Variants in ROBO2 observed in about 807,000 individuals in gnomAD.
The protein encoded by ROBO2 is roundabout homolog 2.
A neutral mutation model predicts 160.8 loss-of-function variants in ROBO2; 53 were observed. That is an observed-to-expected ratio of 0.33 (90% CI 0.26 to 0.41). The LOEUF (loss-of-function observed/expected upper bound fraction) is 0.41, where lower values mean the gene tolerates loss of function less well. ROBO2 is among the 10% of genes least tolerant of loss of function. ROBO2 has a pLI of 1.00. For missense variants in ROBO2, 1,577 were observed against 1,722.4 expected (o/e 0.92, Z 1.49); for synonymous variants, 664 against 611.7 (o/e 1.09, Z -1.26).
intron 2 of ROBO2, among the ~76,000 whole-genome samples, chr3:77,156,106 T>C (rs1294165308): frequency 6.6e-6 from 1 of 151,960 alleles, no homozygotes; most frequent in Non-Finnish European, 1.5e-5. Context: ...TTTCTTTGTC[T>C]TAAAATTTCT....
At chr3:76,818,988 A>G (rs527600367) in intron 2 of ROBO2, among the ~76,000 whole-genome samples, 18 of 152,010 alleles carry the variant, frequency 1.2e-4, no homozygotes, top group African/African-American at 4.1e-4. Flanking sequence ...CAAACTGTCT[A>G]TCTTAGATTT....
chr3:76,254,735 C>CAGAGAGAG (rs36108761), intron 2 of ROBO2, among the ~76,000 whole-genome samples: 2 of 148,526 alleles, frequency 1.3e-5, no homozygotes, highest in Non-Finnish European at 3.0e-5. Context: ...TACTCTCTCT[C>CAGAGAGAG]AGAGAGAGAG....
chr3:76,397,020 A>T (rs951257888), intron 2 of ROBO2, among the ~76,000 whole-genome samples: 2 of 152,192 alleles, frequency 1.3e-5, no homozygotes, highest in Non-Finnish European at 2.9e-5. Context: ...CGCCAAGTCA[A>T]TCCTAAGCCA....
chr3:77,600,573 G>A (rs1209536355), intron 19 of ROBO2, among the ~76,000 whole-genome samples: 2 of 152,142 alleles, frequency 1.3e-5, no homozygotes, highest in Non-Finnish European at 2.9e-5. Flanking sequence ...TAAAGCTTTG[G>A]AGAACTTTAA....
rs1043456108 is a variant in ROBO2, at chr3:77,429,847, T to C, written c.389-47567T>C. 3.3e-5 allele frequency among the ~76,000 whole-genome samples: 5 copies of C among 152,006 alleles called. No homozygotes were observed. In the East Asian group the frequency reaches 9.7e-4, roughly 30 times the overall value. On this transcript the variant is annotated intron_variant, in intron 2 of 25. Transcript: ENST00000461745. ...GTGGTTTGAAATGGCCCCACACAAATCACACCTTACGGTCTCTTAGCTGCG... is the reference window on the plus strand; with the variant it reads ...GTGGTTTGAAATGGCCCCACACAAACCACACCTTACGGTCTCTTAGCTGCG...
intron 2 of ROBO2, among the ~76,000 whole-genome samples, chr3:76,050,903 T>C (rs922215827): frequency 1.3e-5 from 2 of 152,188 alleles, no homozygotes; most frequent in Non-Finnish European, 2.9e-5. Context: ...AGATAGAAGA[T>C]TAAAGACAAC....
At chr3:76,108,388 T>C (rs142568433) in intron 2 of ROBO2, among the ~76,000 whole-genome samples, 41 of 152,200 alleles carry the variant, frequency 2.7e-4, no homozygotes, top group African/African-American at 9.6e-4. Flanking sequence ...ATATCATCAC[T>C]GTAACTCTTA....
intron 2 of ROBO2, among the ~76,000 whole-genome samples, chr3:76,024,015 CA>C (rs1186581272): frequency 6.6e-6 from 1 of 151,340 alleles, no homozygotes; most frequent in Non-Finnish European, 1.5e-5. Flanking sequence ...ATATATATTT[CA>C]TAGGTTTTAT....
At chr3:76,500,195 T>C (rs552770184) in intron 2 of ROBO2, among the ~76,000 whole-genome samples, 1 of 152,156 alleles carries the variant, frequency 6.6e-6, no homozygotes, top group South Asian at 2.1e-4. Context: ...CACAGCTCAC[T>C]GCGTCCTTGA....
chr3:76,149,814 G>A (rs79857927), intron 2 of ROBO2, among the ~76,000 whole-genome samples: 1 of 138,000 alleles, frequency 7.2e-6, no homozygotes, highest in Non-Finnish European at 1.5e-5. Context: ...TCTGTCTAAA[G>A]CACACATCTG....
At chr3:76,676,506 A>G (rs1032108289) in intron 2 of ROBO2, among the ~76,000 whole-genome samples, 1 of 152,148 alleles carries the variant, frequency 6.6e-6, no homozygotes, top group African/African-American at 2.4e-5. Flanking sequence ...AACAAAGTGT[A>G]TCTCGACAGG....
At chr3:76,572,622 G>A (rs2085025546) in intron 2 of ROBO2, among the ~76,000 whole-genome samples, 1 of 152,112 alleles carries the variant, frequency 6.6e-6, no homozygotes, top group Non-Finnish European at 1.5e-5. Context: ...ATGTCAAAAT[G>A]AATACGTCAA....
chr3:77,012,983 A>C (rs532490869), intron 2 of ROBO2, among the ~76,000 whole-genome samples: 1 of 152,260 alleles, frequency 6.6e-6, no homozygotes, highest in Non-Finnish European at 1.5e-5. Context: ...ACTTTTTGAG[A>C]GGAAGAAGTG....
intron 2 of ROBO2, among the ~76,000 whole-genome samples, chr3:77,409,597 C>A (rs955398433): frequency 3.3e-5 from 5 of 152,068 alleles, no homozygotes; most frequent in Admixed American, 3.3e-4. Flanking sequence ...GGGTCCCTGT[C>A]ATCAAGGATT....
In ROBO2 at chr3:76,097,078, G is replaced by A. The variant is rs2069483635; in HGVS notation, c.109+159476G>A. Among the ~76,000 whole-genome samples, 3 of 152,088 alleles carry A rather than the reference G, an allele frequency of 2.0e-5. No individual in the cohort carries two copies. The South Asian group carries it at 6.2e-4, about 32-fold the overall frequency. On this transcript the variant is annotated intron_variant, in intron 2 of 26. Transcript: ENST00000487694. ...CTATGATTAAAAAAAAGTGACCCCA[G>A]GTTGGTCAGTTGCATCTGGACTGGT... is the stretch of plus-strand genomic sequence containing the variant.
At chr3:77,083,734 G>A (rs965608537) in intron 1 of ROBO2, among the ~76,000 whole-genome samples, 2 of 152,034 alleles carry the variant, frequency 1.3e-5, no homozygotes, top group East Asian at 1.9e-4. Context: ...CCCCACAACC[G>A]GGATTCTGAG....
Position 77,300,920 on chromosome 3 carries a change from G to A in ROBO2, c.389-176494G>A, listed in dbSNP as rs1317116669. Among the ~76,000 whole-genome samples the A allele has an allele frequency of 4.0e-5, 6 of 151,722 alleles. No homozygotes were observed. In the East Asian group the frequency reaches 9.7e-4, roughly 24 times the overall value. ...AGAGTCTCACTCTGTCACCCAGGCT[G>A]GAGTGCAGTGGCATGATCTTGGCCA... On this transcript the variant is annotated intron_variant, in intron 2 of 25. Transcript: ENST00000461745.
chr3:76,415,972 T>C (rs1054352507), intron 2 of ROBO2, among the ~76,000 whole-genome samples: 2 of 152,184 alleles, frequency 1.3e-5, no homozygotes, highest in Non-Finnish European at 2.9e-5. Flanking sequence ...ATGTTCTCAA[T>C]TATTTAGCAA....
At chr3:76,235,938 A>G (rs954374410) in intron 2 of ROBO2, among the ~76,000 whole-genome samples, 1 of 152,174 alleles carries the variant, frequency 6.6e-6, no homozygotes, top group African/African-American at 2.4e-5. Flanking sequence ...AGGGAAGGAA[A>G]CACATTTAAG....
Sources: gnomAD v4.1 joint callset for allele counts (sites outside exome capture counted in the v4.1 genomes callset) on GRCh38, gnomAD v4.1.1 for gene constraint, MANE v1.5 for transcripts, NCBI Gene and HGNC (gene_info 2026-07-23, HGNC 2026-07-21) for gene names.